The following TMEM132D variants were observed in gnomAD, a reference collection of about 807,000 sequenced individuals.
TMEM132D encodes the protein mature OL transmembrane protein.
TMEM132D carries 21 observed loss-of-function variants against 62.3 expected under a neutral mutation model. The ratio of observed to expected loss-of-function variants is 0.34; its 90% CI spans 0.24 to 0.49. The LOEUF is 0.49. TMEM132D is among the 20% of genes least tolerant of loss of function. The probability of loss-of-function intolerance (pLI) is 0.99; values close to 1 mark genes in which losing one functional copy is unlikely to be tolerated. For synonymous variants in TMEM132D, 621 were observed against 575.6 expected, an observed-to-expected ratio of 1.08 and a Z score of -1.13; for missense variants, 1,346 against 1,402.8, an observed-to-expected ratio of 0.96 and a Z score of 0.65.
intron 3 of TMEM132D, among the ~76,000 whole-genome samples, chr12:129,420,349 C>T (rs1872277650): frequency 8.6e-6 from 1 of 116,346 alleles, no homozygotes; most frequent in African/African-American, 3.6e-5. Flanking sequence ...TGGGCCACTG[C>T]CATTTGTAAG....
At chr12:129,487,395 A>G (rs1328601618) in intron 3 of TMEM132D, among the ~76,000 whole-genome samples, 2 of 152,202 alleles carry the variant, frequency 1.3e-5, no homozygotes, top group African/African-American at 2.4e-5. Flanking sequence ...GTTTTATAAA[A>G]TCACTCACTG....
intron 2 of TMEM132D, among the ~76,000 whole-genome samples, chr12:129,538,749 T>A (rs1876484656): frequency 6.6e-6 from 1 of 152,230 alleles, no homozygotes; most frequent in African/African-American, 2.4e-5. Context: ...TGAGAGGTAA[T>A]AAAATTTCTG....
intron 2 of TMEM132D, chr12:129,683,218 T>C (rs1048191008): frequency 6.6e-6 from 1 of 152,218 alleles, no homozygotes; most frequent in Non-Finnish European, 1.5e-5. Flanking sequence ...ACACATGTGC[T>C]CTGGGGCTGC....
At chr12:129,381,921 T>C (rs932405308) in intron 3 of TMEM132D, among the ~76,000 whole-genome samples, 2 of 152,212 alleles carry the variant, frequency 1.3e-5, no homozygotes, top group Non-Finnish European at 2.9e-5. Context: ...TGGTTCTGCC[T>C]GTTTTGGTAC....
chr12:129,333,093 G>A (rs1464172325), intron 4 of TMEM132D, among the ~76,000 whole-genome samples: 4 of 152,068 alleles, frequency 2.6e-5, no homozygotes, highest in African/African-American at 7.2e-5. Context: ...AGAGAAAATG[G>A]GCAAAGAACA....
chr12:129,149,558 T>C (rs1299398557), intron 5 of TMEM132D, among the ~76,000 whole-genome samples: 3 of 152,226 alleles, frequency 2.0e-5, no homozygotes, highest in African/African-American at 4.8e-5. Flanking sequence ...GTTTCTATTC[T>C]GTCCGTCTCC....
chr12:129,325,898 G>C (rs1410935631), intron 4 of TMEM132D, among the ~76,000 whole-genome samples: 1 of 152,188 alleles, frequency 6.6e-6, no homozygotes, highest in Non-Finnish European at 1.5e-5. Flanking sequence ...CTGTCCAGTG[G>C]ACACCACCAA....
chr12:129,685,414 A>AGG (rs1290538350), intron 2 of TMEM132D, among the ~76,000 whole-genome samples: 2 of 152,212 alleles, frequency 1.3e-5, no homozygotes, highest in Non-Finnish European at 2.9e-5. Flanking sequence ...AAAAGCCCCA[A>AGG]ACCTTGGCAG....
In TMEM132D at chr12:129,073,971, A is replaced by G. The variant is rs148806672; in HGVS notation, c.3204T>C (p.Ser1068=). 3.0e-5 allele frequency: 49 copies of G among 1,613,312 alleles called. No homozygotes were observed. The highest frequency in any genetic ancestry group is 3.8e-5 in the Non-Finnish European group (45 of 1,179,678). ...EYPTRNSIVM[S]SEDDIKWVCQ... is the part of the protein sequence containing the mutation. ...AGACCCACTTAATGTCATCCTCGCT[A>G]CTCATCACGATGGAGTTCCTGGTGG... Residue 1068 remains serine (S), a synonymous_variant, in exon 9 of 9, where the codon AGT becomes AGC. Coordinates refer to ENST00000422113, the MANE Select transcript of TMEM132D (RefSeq NM_133448.3).
In TMEM132D at chr12:129,813,015, C is replaced by A. The variant is rs990019682; in HGVS notation, c.79+90246G>T. ...TTATGCATTTATCCCGACTCCTGCG[C>A]CTTCCACTTCTTTCCGTCTCGGCGC... On this transcript the variant is annotated intron_variant, in intron 1 of 8. Transcript: ENST00000422113. Among the ~76,000 whole-genome samples, 8 of 151,858 alleles carry A rather than the reference C, an allele frequency of 5.3e-5. 1 individual carries two copies. Among genetic ancestry groups the A allele is most frequent in the African/African-American group, 1.9e-4 (8 of 41,346 alleles).
intron 3 of TMEM132D, among the ~76,000 whole-genome samples, chr12:129,419,463 C>T (rs1872231012): frequency 6.6e-6 from 1 of 152,004 alleles, no homozygotes; most frequent in African/African-American, 2.4e-5. Context: ...AGGAGGGGCA[C>T]TGTGCACAGT....
intron 5 of TMEM132D, among the ~76,000 whole-genome samples, chr12:129,187,917 T>C (rs1340559097): frequency 2.0e-5 from 3 of 152,266 alleles, no homozygotes; most frequent in African/African-American, 7.2e-5. Context: ...CTTACTAATA[T>C]GTTTCTTTAC....
intron 4 of TMEM132D, among the ~76,000 whole-genome samples, chr12:129,316,175 T>C (rs1868483157): frequency 6.6e-6 from 1 of 152,144 alleles, no homozygotes; most frequent in East Asian, 1.9e-4. Context: ...TTATTTCCTT[T>C]CTTCTGCTGG....
chr12:129,621,981 AAAAGG>A (rs1441045138), intron 2 of TMEM132D, among the ~76,000 whole-genome samples: 1 of 152,098 alleles, frequency 6.6e-6, no homozygotes, highest in Non-Finnish European at 1.5e-5. Flanking sequence ...TTGATTTTGG[AAAAGG>A]AGAGAAGGTT....
chr12:129,272,297 G>C (rs370289309), intron 4 of TMEM132D, among the ~76,000 whole-genome samples: 1 of 151,776 alleles, frequency 6.6e-6, no homozygotes, highest in Non-Finnish European at 1.5e-5. Context: ...AGTAAGTTGT[G>C]TGTGCATCAA....
chr12:129,424,706 T>C (rs1593374349), intron 3 of TMEM132D, among the ~76,000 whole-genome samples: 1 of 28,490 alleles, frequency 3.5e-5, no homozygotes, highest in African/African-American at 1.2e-4. Context: ...AGACTCCATC[T>C]CAAAAAAAAA....
rs538862254 is a variant in TMEM132D, at chr12:129,419,773, G to T, written c.1116-81956C>A. On this transcript the variant is annotated intron_variant, in intron 3 of 8. Transcript: ENST00000422113. ...GAATCCTGCCCCATTGGAAGCAGTT[G>T]TCTGCTATATGAATATAAAATGCCA... is the stretch of plus-strand genomic sequence containing the variant. Among the ~76,000 whole-genome samples the T allele has an allele frequency of 1.3e-3, 200 of 152,066 alleles. 1 individual carries two copies. Among genetic ancestry groups the T allele is most frequent in the African/African-American group, 4.6e-3 (191 of 41,492 alleles).
intron 3 of TMEM132D, among the ~76,000 whole-genome samples, chr12:129,488,676 G>C (rs55740491): frequency 6.6e-6 from 1 of 151,900 alleles, no homozygotes; most frequent in Admixed American, 6.6e-5. Context: ...CTGTCTGGAG[G>C]AAAACAAAAA....
chr12:129,763,183 T>A (rs1286928576), intron 1 of TMEM132D, among the ~76,000 whole-genome samples: 2 of 152,162 alleles, frequency 1.3e-5, no homozygotes, highest in African/African-American at 4.8e-5. Flanking sequence ...GCTCAGCTGA[T>A]CCTCCCATCT....
Sources: allele counts gnomAD v4.1 joint callset (sites outside exome capture counted in the v4.1 genomes callset), GRCh38; gene constraint gnomAD v4.1.1; transcripts MANE v1.5; gene names NCBI Gene and HGNC (gene_info 2026-07-23, HGNC 2026-07-21).